GINS1: variants seen among roughly 807,000 people sequenced by gnomAD.
GINS1 encodes the protein DNA replication complex GINS protein PSF1.
A neutral mutation model predicts 34.9 loss-of-function variants in GINS1; 26 were observed. That is an observed-to-expected ratio of 0.74 (90% confidence interval 0.55 to 1.03). GINS1 has a LOEUF of 1.03. Among genes scored for constraint, GINS1 ranks in the 50% least tolerant of loss-of-function variants. GINS1 has a pLI of 0.00. For synonymous variants in GINS1, 97 were observed against 84.4 expected (o/e 1.15, Z -0.82); for missense variants, 235 against 237.9 (o/e 0.99, Z 0.08).
At chr20:25,408,729 T>A (rs1214988818) in intron 1 of GINS1, among the ~76,000 whole-genome samples, 2 of 152,232 alleles carry the variant, frequency 1.3e-5, no homozygotes, top group East Asian at 3.9e-4. Context: ...AAACTATTGT[T>A]TTCTACTTTT....
At chr20:25,428,286 A>G (rs1049922773) in intron 5 of GINS1, among the ~76,000 whole-genome samples, 2 of 151,064 alleles carry the variant, frequency 1.3e-5, no homozygotes, top group African/African-American at 2.4e-5. Context: ...ATGTTGTTTT[A>G]CATTTGCATT....
chr20:25,439,994 CAAAA>C (rs34429395), intron 5 of GINS1, among the ~76,000 whole-genome samples: 1 of 124,620 alleles, frequency 8.0e-6, no homozygotes. Context: ...GACTCTGTCT[CAAAA>C]AAAAAAAAAA....
chr20:25,422,736 A>T (rs1435461213), intron 4 of GINS1, among the ~76,000 whole-genome samples: 2 of 152,152 alleles, frequency 1.3e-5, no homozygotes, highest in East Asian at 3.9e-4. Flanking sequence ...AATATTTTTG[A>T]GATTCTAATC....
chr20:25,434,722 G>T (rs2090445033), intron 5 of GINS1, among the ~76,000 whole-genome samples: 1 of 152,182 alleles, frequency 6.6e-6, no homozygotes, highest in African/African-American at 2.4e-5. Context: ...TGGGATTATA[G>T]GCTTGAGCCA....
At position 25,417,209 on chromosome 20, in the gene GINS1, T is replaced by C. The variant is rs901720760; in HGVS notation, c.239+7T>C. Reference sequence around the variant, plus strand: ...GCTGCACTGTAGCATACCTGTAAGCTTCTCAGTTTTTGCTTGGGGTGGCAG... The same window carrying C: ...GCTGCACTGTAGCATACCTGTAAGCCTCTCAGTTTTTGCTTGGGGTGGCAG... On this transcript the variant is annotated splice_region_variant and intron_variant, in intron 3 of 6. Coordinates refer to ENST00000262460, the MANE Select transcript of GINS1 (RefSeq NM_021067.5). 23 of 1,443,630 alleles carry C rather than the reference T, an allele frequency of 1.6e-5. No individual in the cohort carries two copies. Among genetic ancestry groups the C allele is most frequent in the Non-Finnish European group, 2.1e-5 (22 of 1,030,688 alleles). The allele number at this position is 1,443,630 out of a possible 1,614,324, so 89.4% of individuals were successfully genotyped here.
intron 2 of GINS1, 60 bp downstream of exon 2, chr20:25,413,914 G>A (rs534661055): frequency 6.2e-5 from 62 of 1,005,880 alleles, no homozygotes; most frequent in African/African-American, 4.7e-4. Context: ...GAAATTGGCC[G>A]GGCGCGGTGG....
chr20:25,411,075 C>G (rs764106102), intron 1 of GINS1: 1 of 152,006 alleles, frequency 6.6e-6, no homozygotes, highest in Non-Finnish European at 1.5e-5. Flanking sequence ...CCCAGGAGTT[C>G]GAGACTAGCC....
At chr20:25,442,325 C>CATCT (rs748913229) in intron 6 of GINS1, among the ~76,000 whole-genome samples, 6,161 of 147,838 alleles carry the variant, frequency 0.042, 133 homozygotes, top group Non-Finnish European at 0.051. Flanking sequence ...AATCTTTATC[C>CATCT]ATCTATCTAT....
intron 5 of GINS1, among the ~76,000 whole-genome samples, chr20:25,437,129 T>C (rs2090458536): frequency 6.6e-6 from 1 of 152,226 alleles, no homozygotes; most frequent in Non-Finnish European, 1.5e-5. Context: ...TGCCCTAGTC[T>C]TTAATGTCTG....
chr20:25,441,004 G>A (rs975221197), intron 5 of GINS1, among the ~76,000 whole-genome samples: 1 of 152,054 alleles, frequency 6.6e-6, no homozygotes, highest in African/African-American at 2.4e-5. Context: ...TGACTCTCCT[G>A]GCAACAACAG....
chr20:25,427,217 T>A (rs1600932375), intron 5 of GINS1, among the ~76,000 whole-genome samples: 1 of 152,122 alleles, frequency 6.6e-6, no homozygotes, highest in Non-Finnish European at 1.5e-5. Flanking sequence ...CCAGGCTGGA[T>A]GCAGTGGCGC....
chr20:25,429,617 T>C (rs530228385), intron 5 of GINS1, among the ~76,000 whole-genome samples: 2 of 152,212 alleles, frequency 1.3e-5, no homozygotes, highest in Non-Finnish European at 2.9e-5. Flanking sequence ...TATTTTCAGA[T>C]TGTTCGTTGT....
At chr20:25,434,953 T>G (rs148682230) in intron 5 of GINS1, among the ~76,000 whole-genome samples, 1 of 152,334 alleles carries the variant, frequency 6.6e-6, no homozygotes, top group East Asian at 1.9e-4. Flanking sequence ...TATAATGGCA[T>G]AAATCCATTT....
rs2090300425 is a variant in GINS1 at position 25,413,526 on chromosome 20, G to T, written c.76-264G>T. On this transcript the variant is annotated intron_variant, in intron 1 of 6. Transcript: ENST00000262460. ...TAGGAGTAAAATTACTGAGTCATAT[G>T]GTAATTCTGTGTGTAGCTTTTGAGG... 2.3e-5 allele frequency: 10 copies of T among 427,098 alleles called. No homozygotes were observed. The South Asian group carries it at 3.9e-4, about 17-fold the overall frequency. The allele number at this position is 427,098 out of a possible 1,614,324, so 26.5% of individuals were successfully genotyped here.
intron 5 of GINS1, among the ~76,000 whole-genome samples, chr20:25,426,110 A>G (rs575143863): frequency 6.6e-6 from 1 of 151,878 alleles, no homozygotes; most frequent in East Asian, 1.9e-4. Flanking sequence ...TGTGAGTGGA[A>G]TCATATAGTA....
rs772799384 is a variant in GINS1, at chr20:25,413,798, A to C, written c.84A>C (p.Gly28=). Residue 28 remains glycine, a synonymous_variant, in exon 2 of 7, where the codon GGA becomes GGC. Coordinates refer to ENST00000262460, the MANE Select transcript of GINS1 (RefSeq NM_021067.5). ...CGGTTTATATGTTCTAGGAGGATGGACTCAGACAAGTTCTGGAGGAGATGA... is the reference window on the plus strand; with the variant it reads ...CGGTTTATATGTTCTAGGAGGATGGCCTCAGACAAGTTCTGGAGGAGATGA... ...EGQLPAFNED[G]LRQVLEEMKA... 5 of 1,575,498 alleles carry C rather than the reference A, an allele frequency of 3.2e-6. No individual in the cohort carries two copies. The South Asian group carries it at 5.5e-5, about 17-fold the overall frequency.
rs376403619 is a variant in GINS1, at chr20:25,417,217, T to A, written c.239+15T>A. ...GTAGCATACCTGTAAGCTTCTCAGT[T>A]TTTGCTTGGGGTGGCAGGATTTTCT... On this transcript the variant is annotated intron_variant, in intron 3 of 6. Transcript: ENST00000262460. 1.5e-6 allele frequency: 2 copies of A among 1,365,424 alleles called. No homozygotes were observed. Among genetic ancestry groups the A allele is most frequent in the African/African-American group, 2.9e-5 (2 of 69,758 alleles). The allele number at this position is 1,365,424 out of a possible 1,614,324, so 84.6% of individuals were successfully genotyped here. A position where few individuals can be genotyped will look rare whatever the true frequency, so the allele number is the denominator to read the frequency against.
intron 6 of GINS1, among the ~76,000 whole-genome samples, chr20:25,444,368 T>TAA (rs2090499812): frequency 6.6e-6 from 1 of 152,206 alleles, no homozygotes; most frequent in African/African-American, 2.4e-5. Context: ...CAAGCACTGT[T>TAA]ACTTTTTATC....
chr20:25,446,192 CTCT>C lies in GINS1; in HGVS notation c.*203_*205del, dbSNP rs2090511571. On this transcript the variant is annotated 3_prime_UTR_variant, in exon 7 of 7. Coordinates refer to ENST00000262460, the MANE Select transcript of GINS1 (RefSeq NM_021067.5). ...TTAATGTTGTACACTATTCTTCCTA[CTCT>C]TTTTTGGTTTTGGTTTTGTTTTGTA... The C allele has an allele frequency of 2.4e-6, 1 of 416,240 alleles. No homozygotes were observed. The highest frequency in any genetic ancestry group is 2.0e-5 in the African/African-American group (1 of 48,970). The allele number at this position is 416,240 out of a possible 1,614,324, so 25.8% of individuals were successfully genotyped here.
Sources: allele counts gnomAD v4.1 joint callset (sites outside exome capture counted in the v4.1 genomes callset), GRCh38; gene constraint gnomAD v4.1.1; transcripts MANE v1.5; gene names NCBI Gene and HGNC (gene_info 2026-07-23, HGNC 2026-07-21).